The following NEO1 variants were observed in gnomAD, a reference collection of about 807,000 sequenced individuals.
NEO1 encodes the protein neogenin.
A neutral mutation model predicts 159.7 loss-of-function variants in NEO1; 63 were observed. The ratio of observed to expected loss-of-function variants is 0.39; its 90% CI spans 0.32 to 0.49. NEO1 has a LOEUF of 0.49. NEO1 is among the 20% of genes least tolerant of loss of function. The pLI, the probability that NEO1 is intolerant of heterozygous loss-of-function variation, is 0.85. For synonymous variants in NEO1, 633 were observed against 662.0 expected (o/e 0.96, Z 0.67); for missense variants, 1,615 against 1,831.0 (o/e 0.88, Z 2.15).
intron 1 of NEO1, among the ~76,000 whole-genome samples, chr15:73,062,602 T>C (rs2068031535): frequency 6.6e-6 from 1 of 152,198 alleles, no homozygotes; most frequent in Admixed American, 6.5e-5. Flanking sequence ...ATTCATTGAT[T>C]TGAGTAACAA....
At chr15:73,227,181 C>T (rs1225444850) in intron 7 of NEO1, among the ~76,000 whole-genome samples, 1 of 152,132 alleles carries the variant, frequency 6.6e-6, no homozygotes, top group African/African-American at 2.4e-5. Flanking sequence ...TTAGGAGCAG[C>T]TCTGATGACT....
rs911584370 is a variant in NEO1, at chr15:73,236,512, T to C, written c.1451+6T>C. 2 of 1,613,158 alleles carry C rather than the reference T, an allele frequency of 1.2e-6. No individual in the cohort carries two copies. Among genetic ancestry groups the C allele is most frequent in the Non-Finnish European group, 1.7e-6 (2 of 1,179,206 alleles). ...ACCAAGGAAGGGATTGCTAGGTAAG[T>C]GCCTGTGTGTCTGCAGCCAGTTGGC... On this transcript the variant is annotated splice_donor_region_variant and intron_variant, in intron 8 of 28. Transcript: ENST00000261908.
chr15:73,193,794 G>A (rs1008917827), intron 7 of NEO1, among the ~76,000 whole-genome samples: 15 of 151,722 alleles, frequency 9.9e-5, no homozygotes, highest in African/African-American at 3.4e-4. Flanking sequence ...TGCAAGCTGT[G>A]CTGAATGCCA....
At chr15:73,125,226 A>G (rs1278162438) in intron 3 of NEO1, among the ~76,000 whole-genome samples, 3 of 152,248 alleles carry the variant, frequency 2.0e-5, no homozygotes, top group African/African-American at 4.8e-5. Context: ...TATCTCCTAT[A>G]GAGTTTTTCA....
At chr15:73,283,254 A>G in intron 23 of NEO1, 143 bp downstream of exon 23, 3 of 1,023,338 alleles carry the variant, frequency 2.9e-6, no homozygotes, top group Non-Finnish European at 4.3e-6. Flanking sequence ...GAAAATGGGA[A>G]GTGGTTCCTC....
At chr15:73,290,484 C>T (rs1040219177) in intron 25 of NEO1, among the ~76,000 whole-genome samples, 3 of 150,792 alleles carry the variant, frequency 2.0e-5, no homozygotes, top group East Asian at 3.9e-4. Context: ...CCACCCAACT[C>T]GGCCTCCCAA....
intron 1 of NEO1, among the ~76,000 whole-genome samples, chr15:73,056,616 G>A (rs948883952): frequency 6.6e-6 from 1 of 152,036 alleles, no homozygotes; most frequent in Non-Finnish European, 1.5e-5. Context: ...TTATATGATG[G>A]CCCTTCATGT....
rs1277362385 is a variant in NEO1, at chr15:73,295,146, A to ATATATATATATATATATATATAT, written c.3901+1598_3901+1599insTATATATATATATATATATATAT. Among the ~76,000 whole-genome samples the ATATATATATATATATATATATAT allele has an allele frequency of 3.6e-4, 50 of 140,190 alleles. 4 individuals are homozygous for ATATATATATATATATATATATAT. The highest frequency in any genetic ancestry group is 4.7e-4 in the Non-Finnish European group (30 of 63,400). The allele number at this position is 140,190 out of a possible 152,430, so 92.0% of individuals were successfully genotyped here. A position where few individuals can be genotyped will look rare whatever the true frequency, so the allele number is the denominator to read the frequency against. Reference sequence around the variant, plus strand: ...ATTAAATATATATATATATATATGTAAAAATTTGGCCTTTCTACTATCTCC... The same window carrying ATATATATATATATATATATATAT: ...ATTAAATATATATATATATATATGTATATATATATATATATATATATATAAAATTTGGCCTTTCTACTATCTCC... On this transcript the variant is annotated intron_variant, in intron 26 of 28. Transcript: ENST00000261908.
chr15:73,138,064 T>C (rs555335793), intron 5 of NEO1, among the ~76,000 whole-genome samples: 6 of 152,310 alleles, frequency 3.9e-5, no homozygotes, highest in Non-Finnish European at 7.3e-5. Context: ...TAGTAGACTG[T>C]TAAATAGGTG....
chr15:73,290,976 AC>A, intron 25 of NEO1, among the ~76,000 whole-genome samples: 1 of 152,268 alleles, frequency 6.6e-6, no homozygotes, highest in Admixed American at 6.5e-5. Flanking sequence ...GATTACAAAA[AC>A]CATCTTTGAA....
chr15:73,297,808 T>G (rs1372610639), intron 26 of NEO1, among the ~76,000 whole-genome samples: 1 of 152,264 alleles, frequency 6.6e-6, no homozygotes, highest in African/African-American at 2.4e-5. Flanking sequence ...TGTTGTCCAA[T>G]TCTCACTTGA....
At position 73,271,906 on chromosome 15, in the gene NEO1, CAA is replaced by C. The variant is rs57979197; in HGVS notation, c.2858-531_2858-530del. ...TGGGTGACAGAGCTAGACTCCATCT[CAA>C]AAAAAAAAAAAAAAAAACAGCTATA... On this transcript the variant is annotated intron_variant, in intron 18 of 28. Transcript: ENST00000261908. 7.6e-3 allele frequency among the ~76,000 whole-genome samples: 705 copies of C among 92,504 alleles called. 3 individuals carry two copies. Among genetic ancestry groups the C allele is most frequent in the African/African-American group, 0.02 (506 of 25,622 alleles). The allele number at this position is 92,504 out of a possible 152,430, so 60.7% of individuals were successfully genotyped here.
intron 4 of NEO1, among the ~76,000 whole-genome samples, chr15:73,131,473 G>A (rs916890199): frequency 1.3e-5 from 2 of 152,158 alleles, no homozygotes; most frequent in African/African-American, 4.8e-5. Flanking sequence ...CCCTAAAGAA[G>A]TTGTCTTTAA....
chr15:73,228,770 G>C lies in NEO1; in HGVS notation c.1292-7577G>C, dbSNP rs1167838391. Among the ~76,000 whole-genome samples the C allele has an allele frequency of 3.9e-5, 6 of 152,126 alleles. No individual in the cohort carries two copies. The East Asian group carries it at 1.2e-3, about 29-fold the overall frequency. ...AGATATTTTGTTAATTTTTATATAT[G>C]ATGTGAGTTCATTACTTTGCATGTG... On this transcript the variant is annotated intron_variant, in intron 7 of 28. Coordinates refer to ENST00000261908, the MANE Select transcript of NEO1 (RefSeq NM_002499.4).
At chr15:73,242,656 T>G (rs1280433465) in intron 8 of NEO1, among the ~76,000 whole-genome samples, 4 of 152,008 alleles carry the variant, frequency 2.6e-5, no homozygotes, top group Non-Finnish European at 1.5e-5. Context: ...GGTGACAGAG[T>G]GAGACCCTGT....
chr15:73,184,712 G>A (rs937388773), intron 7 of NEO1, among the ~76,000 whole-genome samples: 1 of 152,216 alleles, frequency 6.6e-6, no homozygotes, highest in Non-Finnish European at 1.5e-5. Context: ...CAGATCACTT[G>A]AGGGCAGGAG....
intron 1 of NEO1, among the ~76,000 whole-genome samples, chr15:73,082,706 A>G (rs979686305): frequency 6.6e-6 from 1 of 152,210 alleles, no homozygotes; most frequent in Non-Finnish European, 1.5e-5. Context: ...AATACATATC[A>G]GTATTTTATA....
chr15:73,266,327 C>T lies in NEO1; in HGVS notation c.2410C>T (p.His804Tyr), dbSNP rs142683599. Residue 804 changes from histidine (H) to tyrosine (Y), a missense_variant, in exon 16 of 29, where the codon CAC (histidine) becomes TAC (tyrosine). By Grantham distance (83) the His-to-Tyr change is moderately conservative. Coordinates refer to ENST00000261908, the MANE Select transcript of NEO1 (RefSeq NM_002499.4). The part of the protein sequence containing the change: ...YTIENLDPSS[H>Y]YVITLKAFNN... ...TTCTTTTTTTTCAGATCCCAGCTCT[C>T]ACTATGTGATTACCCTGAAAGCATT... is the stretch of plus-strand genomic sequence containing the variant. The T allele has an allele frequency of 1.9e-6, 3 of 1,610,176 alleles. No homozygotes were observed. Among genetic ancestry groups the T allele is most frequent in the Non-Finnish European group, 1.7e-6 (2 of 1,178,226 alleles).
At position 73,140,065 on chromosome 15, in the gene NEO1, G is replaced by T. The variant is rs569831745; in HGVS notation, c.1015+4038G>T. On this transcript the variant is annotated intron_variant, in intron 5 of 28. Transcript: ENST00000261908. ...ATTAATATTTGAAAAAGTGGTTGTC[G>T]TTATTAGTCTTCAGAGAAATGCAAA... Among the ~76,000 whole-genome samples the T allele has an allele frequency of 1.9e-3, 285 of 152,292 alleles. 1 individual carries two copies. Among genetic ancestry groups the T allele is most frequent in the Non-Finnish European group, 2.9e-3 (199 of 68,012 alleles).
Sources: gnomAD v4.1 joint callset for allele counts (sites outside exome capture counted in the v4.1 genomes callset) on GRCh38, gnomAD v4.1.1 for gene constraint, MANE v1.5 for transcripts, NCBI Gene and HGNC (gene_info 2026-07-23, HGNC 2026-07-21) for gene names.